Variants in HIVEP3 observed in about 807,000 individuals in gnomAD.
HIVEP3 encodes HIVEP zinc finger 3.
Under a neutral mutation model 152.8 loss-of-function variants are expected in HIVEP3, and 49 were observed. The observed-to-expected ratio is 0.32, with a 90% CI of 0.26 to 0.41. The LOEUF (loss-of-function observed/expected upper bound fraction) is 0.41. HIVEP3 is among the 10% of genes least tolerant of loss of function. The pLI is 1.00. For missense variants in HIVEP3, 2,790 were observed against 3,103.3 expected (o/e 0.90, Z 2.40); for synonymous variants, 1,269 against 1,289.0 (o/e 0.98, Z 0.33).
intron 1 of HIVEP3, among the ~76,000 whole-genome samples, chr1:41,748,319 T>G (rs1245355872): frequency 6.6e-6 from 1 of 152,188 alleles, no homozygotes; most frequent in Non-Finnish European, 1.5e-5. Flanking sequence ...AGCCAGGGGC[T>G]AGGAAGGTGA....
At chr1:41,519,742 G>A (rs1642707289) in intron 6 of HIVEP3, among the ~76,000 whole-genome samples, 1 of 152,212 alleles carries the variant, frequency 6.6e-6, no homozygotes. Flanking sequence ...GAAATATAAA[G>A]AGAATGAAGA....
At chr1:41,644,674 G>A (rs1168550913) in intron 2 of HIVEP3, among the ~76,000 whole-genome samples, 1 of 141,996 alleles carries the variant, frequency 7.0e-6, no homozygotes, top group Non-Finnish European at 1.5e-5. Flanking sequence ...GGGATTTAAA[G>A]CACACTTGCA....
intron 5 of HIVEP3, among the ~76,000 whole-genome samples, chr1:41,537,413 G>A (rs1306500653): frequency 6.6e-6 from 1 of 152,196 alleles, no homozygotes. Flanking sequence ...TGCACACACT[G>A]TTGCTCTGAG....
chr1:41,698,670 C>T (rs1344516081), intron 2 of HIVEP3, among the ~76,000 whole-genome samples: 1 of 152,122 alleles, frequency 6.6e-6, no homozygotes, highest in Non-Finnish European at 1.5e-5. Context: ...CCGTGCCATG[C>T]CTTTCTCCAC....
At chr1:42,001,520 G>A (rs4660594) in intron 1 of HIVEP3, among the ~76,000 whole-genome samples, 29,422 of 152,058 alleles carry the variant, frequency 0.19, 2,910 homozygotes, top group Admixed American at 0.27. Context: ...CCTTAGGAGA[G>A]CCATAAGAGC....
intron 1 of HIVEP3, among the ~76,000 whole-genome samples, chr1:41,819,822 A>G (rs1395290048): frequency 3.3e-5 from 5 of 152,108 alleles, no homozygotes; most frequent in African/African-American, 1.2e-4. Context: ...TGTACCTGAA[A>G]AGTATATGTA....
chr1:41,933,101 A>G (rs952854130), intron 1 of HIVEP3, among the ~76,000 whole-genome samples: 5 of 152,026 alleles, frequency 3.3e-5, no homozygotes, highest in African/African-American at 1.2e-4. Context: ...ACATAGTATC[A>G]TTTGGAGAAT....
At chr1:41,691,386 T>C (rs1459285350) in intron 2 of HIVEP3, among the ~76,000 whole-genome samples, 17 of 152,218 alleles carry the variant, frequency 1.1e-4, no homozygotes, top group Admixed American at 1.1e-3. Flanking sequence ...GACATGACCA[T>C]CTGCTATGGC....
intron 1 of HIVEP3, among the ~76,000 whole-genome samples, chr1:42,027,290 T>C (rs1024879028): frequency 9.2e-5 from 14 of 152,208 alleles, no homozygotes; most frequent in Non-Finnish European, 2.1e-4. Flanking sequence ...CCAATTCTCT[T>C]TTAGTCCAAG....
Position 41,511,352 on chromosome 1 carries a change from C to A in HIVEP3, c.6406-86G>T. 1 of 1,214,784 alleles carries A rather than the reference C, an allele frequency of 8.2e-7. No homozygotes were observed. The highest frequency in any genetic ancestry group is 1.1e-6 in the Non-Finnish European group (1 of 886,822). The allele number at this position is 1,214,784 out of a possible 1,614,324, so 75.3% of individuals were successfully genotyped here. On this transcript the variant is annotated intron_variant, in intron 8 of 8. Coordinates refer to ENST00000372583, the MANE Select transcript of HIVEP3 (RefSeq NM_024503.5). The surrounding 1 kb of genome is among the most constrained non-coding windows in gnomAD (Gnocchi z 4.9). ...GAGGCCTGGAAGTGGGAGGGGGACT[C>A]GCCCAAGATCACAGAGCGAGTCCAG...
intron 5 of HIVEP3, among the ~76,000 whole-genome samples, chr1:41,568,360 C>T (rs1023475973): frequency 1.3e-5 from 2 of 152,204 alleles, no homozygotes; most frequent in Non-Finnish European, 2.9e-5. Context: ...TGCAAAGGCC[C>T]TGGGGCAGAA....
intron 1 of HIVEP3, among the ~76,000 whole-genome samples, chr1:42,032,458 T>C (rs976709566): frequency 2.0e-5 from 3 of 152,074 alleles, no homozygotes; most frequent in Non-Finnish European, 4.4e-5. Flanking sequence ...AGGCAGAGGG[T>C]TTCCCACCAT....
intron 1 of HIVEP3, among the ~76,000 whole-genome samples, chr1:41,898,145 C>A (rs867845662): frequency 1.3e-5 from 2 of 152,200 alleles, no homozygotes; most frequent in Admixed American, 6.5e-5. Context: ...ATATTGGTTT[C>A]ATCTATTTGT....
intron 1 of HIVEP3, among the ~76,000 whole-genome samples, chr1:41,871,754 C>T (rs1644083905): frequency 6.6e-6 from 1 of 152,084 alleles, no homozygotes; most frequent in Non-Finnish European, 1.5e-5. Flanking sequence ...TCAATGATTT[C>T]ATAGAACAAC....
intron 2 of HIVEP3, among the ~76,000 whole-genome samples, chr1:41,681,560 G>C (rs535040968): frequency 6.3e-4 from 96 of 152,300 alleles, no homozygotes; most frequent in African/African-American, 2.3e-3. Context: ...CCCAGGGTTA[G>C]TTTGTGAGCC....
At chr1:41,935,145 T>C (rs1223507291) in intron 1 of HIVEP3, among the ~76,000 whole-genome samples, 2 of 152,182 alleles carry the variant, frequency 1.3e-5, no homozygotes, top group Non-Finnish European at 2.9e-5. Context: ...TACAATTTAG[T>C]GACCACTCAC....
intron 2 of HIVEP3, among the ~76,000 whole-genome samples, chr1:41,656,825 G>A (rs1175212823): frequency 6.6e-6 from 1 of 152,224 alleles, no homozygotes; most frequent in Admixed American, 6.5e-5. Context: ...CAGCATCAGA[G>A]TCAAGTTCCT....
intron 1 of HIVEP3, among the ~76,000 whole-genome samples, chr1:41,829,763 C>T (rs1558306246): frequency 6.6e-6 from 1 of 151,224 alleles, no homozygotes; most frequent in East Asian, 1.9e-4. Context: ...ACTTGTTAGC[C>T]TTTTTTAAAA....
In HIVEP3 at chr1:41,662,906, G is replaced by A. The variant is rs967896244; in HGVS notation, c.-720-33959C>T. On this transcript the variant is annotated intron_variant, in intron 2 of 8. Coordinates refer to ENST00000372583, the MANE Select transcript of HIVEP3 (RefSeq NM_024503.5). The surrounding 1 kb of genome is among the most constrained non-coding windows in gnomAD (Gnocchi z 7.2). ...TCCCCCTGGGTGCCAGCCGGGCTCC[G>A]GGAAGCCCGCGCCTCCCCAGGCGGG... 6.6e-6 allele frequency among the ~76,000 whole-genome samples: 1 copy of A among 152,160 alleles called. No individual in the cohort carries two copies.
Sources: gnomAD v4.1 joint callset for allele counts (sites outside exome capture counted in the v4.1 genomes callset) on GRCh38, gnomAD v4.1.1 for gene constraint, Gnocchi (gnomAD v3.1) non-coding constraint, MANE v1.5 for transcripts, NCBI Gene and HGNC (gene_info 2026-07-23, HGNC 2026-07-21) for gene names.